The following SGCZ variants were observed in gnomAD, a reference collection of about 807,000 sequenced individuals.
SGCZ encodes the protein sarcoglycan zeta, also known as zeta-sarcoglycan.
SGCZ carries 40 observed loss-of-function variants against 41.3 expected under a neutral mutation model. The observed-to-expected ratio is 0.97, with a 90% CI of 0.75 to 1.26. SGCZ has a LOEUF of 1.26. Ranked by LOEUF, SGCZ falls within the 50% of genes most tolerant of loss-of-function variation. SGCZ has a pLI of 0.00. For synonymous variants in SGCZ, 206 were observed against 137.5 expected, an observed-to-expected ratio of 1.50 and a Z score of -3.49; for missense variants, 552 against 369.8, an observed-to-expected ratio of 1.49 and a Z score of -4.04.
chr8:14,097,883 C>T (rs957726001), intron 7 of SGCZ, among the ~76,000 whole-genome samples: 1 of 152,076 alleles, frequency 6.6e-6, no homozygotes, highest in African/African-American at 2.4e-5. Flanking sequence ...AGTTTAAAGT[C>T]TGTTTTATCA....
intron 4 of SGCZ, among the ~76,000 whole-genome samples, chr8:14,211,428 G>A (rs1466429000): frequency 6.6e-6 from 1 of 152,152 alleles, no homozygotes; most frequent in African/African-American, 2.4e-5. Flanking sequence ...CCTCAGGCGA[G>A]ACATCTTATG....
intron 1 of SGCZ, among the ~76,000 whole-genome samples, chr8:15,176,297 T>C (rs1473535002): frequency 1.3e-5 from 2 of 152,136 alleles, no homozygotes; most frequent in East Asian, 1.9e-4. Context: ...CCTTTAGCCA[T>C]AGGATTTTAT....
At chr8:15,044,747 T>G (rs1424805305) in intron 1 of SGCZ, among the ~76,000 whole-genome samples, 1 of 151,992 alleles carries the variant, frequency 6.6e-6, no homozygotes, top group Admixed American at 6.6e-5. Flanking sequence ...GTTAATTAGT[T>G]CCCCTGTGGC....
chr8:15,204,090 T>A lies in SGCZ; in HGVS notation c.39+33495A>T, dbSNP rs116078114. Among the ~76,000 whole-genome samples the A allele has an allele frequency of 7.6e-3, 1,162 of 152,346 alleles. 13 individuals carry two copies. The highest frequency in any genetic ancestry group is 0.025 in the African/African-American group (1,038 of 41,586). Reference sequence around the variant, plus strand: ...AAATTATGACCAATTATAGTAGCTATCTACTCCTAGCATTAAACAGCACTT... The same window carrying A: ...AAATTATGACCAATTATAGTAGCTAACTACTCCTAGCATTAAACAGCACTT... On this transcript the variant is annotated intron_variant, in intron 1 of 7. Coordinates refer to ENST00000382080, the MANE Select transcript of SGCZ (RefSeq NM_139167.4).
At chr8:14,892,114 G>A (rs1273875396) in intron 1 of SGCZ, among the ~76,000 whole-genome samples, 1 of 152,138 alleles carries the variant, frequency 6.6e-6, no homozygotes, top group Non-Finnish European at 1.5e-5. Context: ...TATTACGTAT[G>A]TAGTTGTACA....
intron 1 of SGCZ, among the ~76,000 whole-genome samples, chr8:15,040,205 G>A (rs904006033): frequency 2.0e-5 from 3 of 152,106 alleles, no homozygotes; most frequent in Admixed American, 1.3e-4. Context: ...GCAAACAAAA[G>A]TTTAGCTTTT....
At chr8:15,141,984 T>A (rs999848595) in intron 1 of SGCZ, among the ~76,000 whole-genome samples, 1 of 151,952 alleles carries the variant, frequency 6.6e-6, no homozygotes, top group Non-Finnish European at 1.5e-5. Flanking sequence ...TGGAAGACCC[T>A]GGGACAGGCA....
At chr8:14,722,580 G>A (rs1295086279) in intron 1 of SGCZ, among the ~76,000 whole-genome samples, 2 of 151,690 alleles carry the variant, frequency 1.3e-5, no homozygotes, top group Admixed American at 6.6e-5. Flanking sequence ...TGAAATGGGA[G>A]AAAAAGGAAA....
Position 14,102,370 on chromosome 8 carries a change from A to C in SGCZ, c.744+6T>G, listed in dbSNP as rs1563127321. On this transcript the variant is annotated splice_donor_region_variant and intron_variant, in intron 7 of 7. Coordinates refer to ENST00000382080, the MANE Select transcript of SGCZ (RefSeq NM_139167.4). ...TAGGGCGAGGGTCCAACTTTCTGGG[A>C]CTCACCTCCCCTTCTGTAGATTGCA... 2 of 1,472,266 alleles carry C rather than the reference A, an allele frequency of 1.4e-6. No individual in the cohort carries two copies. The highest frequency in any genetic ancestry group is 1.9e-4 in the Middle Eastern group (1 of 5,266). The allele number at this position is 1,472,266 out of a possible 1,614,324, so 91.2% of individuals were successfully genotyped here.
chr8:15,174,904 TAAA>T lies in SGCZ; in HGVS notation c.39+62678_39+62680del, dbSNP rs1370666447. 6.6e-3 allele frequency among the ~76,000 whole-genome samples: 1,004 copies of T among 152,260 alleles called. 12 individuals carry two copies. Among genetic ancestry groups the T allele is most frequent in the African/African-American group, 0.023 (965 of 41,550 alleles). ...TGCTTACACACTGTTGGGAGGAGTG[TAAA>T]TTAATTCAACTGTCATGGAAAACAG... On this transcript the variant is annotated intron_variant, in intron 1 of 7. Coordinates refer to ENST00000382080, the MANE Select transcript of SGCZ (RefSeq NM_139167.4).
intron 3 of SGCZ, among the ~76,000 whole-genome samples, chr8:14,293,932 G>A (rs1319112942): frequency 2.0e-5 from 3 of 151,540 alleles, no homozygotes; most frequent in African/African-American, 4.8e-5. Context: ...CAATTTTAGT[G>A]GTATCAAGTC....
At chr8:15,161,060 A>C (rs1054003276) in intron 1 of SGCZ, among the ~76,000 whole-genome samples, 7 of 152,064 alleles carry the variant, frequency 4.6e-5, no homozygotes, top group African/African-American at 1.7e-4. Flanking sequence ...TTTCTCTGCA[A>C]GATCTGAAGA....
At chr8:14,269,886 T>G (rs571654732) in intron 3 of SGCZ, among the ~76,000 whole-genome samples, 1 of 152,280 alleles carries the variant, frequency 6.6e-6, no homozygotes, top group East Asian at 1.9e-4. Flanking sequence ...GTATGTTTAT[T>G]TGTTATGTAA....
chr8:15,197,813 T>C (rs1329434804), intron 1 of SGCZ, among the ~76,000 whole-genome samples: 1 of 151,994 alleles, frequency 6.6e-6, no homozygotes, highest in Non-Finnish European at 1.5e-5. Context: ...CCAATTGTTA[T>C]TTCACCTTAT....
chr8:14,906,617 T>C (rs1799126625), intron 1 of SGCZ, among the ~76,000 whole-genome samples: 1 of 152,200 alleles, frequency 6.6e-6, no homozygotes, highest in Non-Finnish European at 1.5e-5. Flanking sequence ...ACAAATCACT[T>C]TGGTATTTGT....
chr8:15,151,386 T>G (rs745559375), intron 1 of SGCZ, among the ~76,000 whole-genome samples: 1 of 152,240 alleles, frequency 6.6e-6, no homozygotes, highest in South Asian at 2.1e-4. Context: ...TATGCTACAA[T>G]AGATTACAAA....
intron 3 of SGCZ, among the ~76,000 whole-genome samples, chr8:14,267,888 T>C (rs1799928532): frequency 6.6e-6 from 1 of 152,032 alleles, no homozygotes; most frequent in Non-Finnish European, 1.5e-5. Flanking sequence ...AAAGTCATTC[T>C]ATTTTTACAT....
At chr8:14,317,546 C>T (rs76256280) in intron 3 of SGCZ, among the ~76,000 whole-genome samples, 1 of 151,806 alleles carries the variant, frequency 6.6e-6, no homozygotes, top group Non-Finnish European at 1.5e-5. Context: ...GCACAGGGGT[C>T]TATGACAAAA....
At chr8:14,320,528 T>C (rs1333913112) in intron 3 of SGCZ, among the ~76,000 whole-genome samples, 1 of 152,040 alleles carries the variant, frequency 6.6e-6, no homozygotes, top group Non-Finnish European at 1.5e-5. Flanking sequence ...GTTACGTATG[T>C]ATACAGCTTT....
Sources: gnomAD v4.1 joint callset for allele counts (sites outside exome capture counted in the v4.1 genomes callset) on GRCh38, gnomAD v4.1.1 for gene constraint, MANE v1.5 for transcripts, NCBI Gene and HGNC (gene_info 2026-07-23, HGNC 2026-07-21) for gene names.